Variants in PARD3B observed in about 807,000 individuals in gnomAD.
PARD3B encodes the protein partitioning defective 3 homolog B.
A neutral mutation model predicts 130.2 loss-of-function variants in PARD3B; 103 were observed. That is an observed-to-expected ratio of 0.79 (90% CI 0.67 to 0.93). PARD3B has a LOEUF of 0.93. PARD3B is among the 40% of genes least tolerant of loss of function. The pLI, the probability that PARD3B is intolerant of heterozygous loss-of-function variation, is 0.00. For missense variants in PARD3B, 1,609 were observed against 1,499.2 expected, an observed-to-expected ratio of 1.07 and a Z score of -1.21; for synonymous variants, 583 against 553.2, an observed-to-expected ratio of 1.05 and a Z score of -0.76.
At chr2:205,136,284 G>T (rs777676012) in intron 10 of PARD3B, among the ~76,000 whole-genome samples, 11 of 151,886 alleles carry the variant, frequency 7.2e-5, no homozygotes, top group African/African-American at 2.4e-5. Flanking sequence ...TACCTTTCTG[G>T]AACTAAGTAA....
intron 20 of PARD3B, among the ~76,000 whole-genome samples, chr2:205,456,863 A>G (rs1437402326): frequency 6.7e-6 from 1 of 149,762 alleles, no homozygotes; most frequent in African/African-American, 2.4e-5. Context: ...TCAGTTAAAT[A>G]TAATTTAATA....
intron 16 of PARD3B, among the ~76,000 whole-genome samples, chr2:205,255,856 A>T (rs2040060363): frequency 6.6e-6 from 1 of 152,078 alleles, no homozygotes; most frequent in Admixed American, 6.5e-5. Flanking sequence ...TTGGGCTATT[A>T]TGGAGGCTTC....
intron 10 of PARD3B, among the ~76,000 whole-genome samples, chr2:205,156,714 TAA>T (rs2034194312): frequency 6.6e-6 from 1 of 152,166 alleles, no homozygotes; most frequent in Admixed American, 6.5e-5. Flanking sequence ...TTGTGAAGCA[TAA>T]GTGTATTAAT....
intron 15 of PARD3B, among the ~76,000 whole-genome samples, chr2:205,233,453 A>G (rs1250583458): frequency 6.6e-6 from 1 of 152,144 alleles, no homozygotes; most frequent in Non-Finnish European, 1.5e-5. Context: ...ACTTGGATGA[A>G]TGTGTTTTAA....
chr2:204,742,314 CTG>C (rs2040043605), intron 2 of PARD3B, among the ~76,000 whole-genome samples: 2 of 152,130 alleles, frequency 1.3e-5, no homozygotes, highest in African/African-American at 4.8e-5. Flanking sequence ...GGGGAATGCA[CTG>C]TCTCTGCCAT....
At chr2:204,794,497 T>G (rs1157008908) in intron 2 of PARD3B, among the ~76,000 whole-genome samples, 2 of 152,096 alleles carry the variant, frequency 1.3e-5, no homozygotes, top group Admixed American at 1.3e-4. Context: ...ATTTGCTGAT[T>G]ACCGTGGTGG....
intron 4 of PARD3B, among the ~76,000 whole-genome samples, chr2:205,073,447 A>G (rs1221944371): frequency 2.6e-5 from 4 of 152,220 alleles, no homozygotes; most frequent in Admixed American, 2.0e-4. Context: ...ATGGAACTAG[A>G]CAACATTTCA....
chr2:204,959,140 C>T (rs1690529966), intron 2 of PARD3B, among the ~76,000 whole-genome samples: 1 of 152,096 alleles, frequency 6.6e-6, no homozygotes. Context: ...CCGCCACTCC[C>T]CCGACAGGCC....
At chr2:204,983,374 T>C (rs1327120416) in intron 3 of PARD3B, among the ~76,000 whole-genome samples, 1 of 135,960 alleles carries the variant, frequency 7.4e-6, no homozygotes, top group East Asian at 2.3e-4. Flanking sequence ...AAACAATGCA[T>C]CCAAAAATGT....
rs2053714650 is a variant in PARD3B, at chr2:205,575,280, A to G, written c.3260+21877A>G. Among the ~76,000 whole-genome samples, 1 of 152,020 alleles carries G rather than the reference A, an allele frequency of 6.6e-6. No homozygotes were observed. Among genetic ancestry groups the G allele is most frequent in the African/African-American group, 2.4e-5 (1 of 41,374 alleles). The stretch of plus-strand genomic sequence containing the variant: ...GAGGAAGGTACACAGATTTCTCATA[A>G]ACCTGCCACCTCAACACATGCGTAA... On this transcript the variant is annotated intron_variant, in intron 22 of 22. Transcript: ENST00000406610. The surrounding 1 kb of genome is among the most constrained non-coding windows in gnomAD (Gnocchi z 4.6).
At chr2:204,633,151 C>G (rs2034749717) in intron 1 of PARD3B, among the ~76,000 whole-genome samples, 1 of 152,044 alleles carries the variant, frequency 6.6e-6, no homozygotes. Flanking sequence ...TTTTAGGAAG[C>G]TTTATACTAC....
chr2:204,864,270 A>G (rs571853937), intron 2 of PARD3B, among the ~76,000 whole-genome samples: 2 of 152,096 alleles, frequency 1.3e-5, no homozygotes, highest in Admixed American at 1.3e-4. Context: ...ATTTTTTTCC[A>G]TGATAAAACC....
chr2:204,998,460 T>TATATATGTATATATATATGTGTATATA (rs1694518563), intron 3 of PARD3B, among the ~76,000 whole-genome samples: 1 of 78,284 alleles, frequency 1.3e-5, no homozygotes, highest in Non-Finnish European at 2.4e-5. Context: ...ATGTGTATAT[T>TATATATGTATATATATATGTGTATATA]ATATATGTAT....
intron 20 of PARD3B, among the ~76,000 whole-genome samples, chr2:205,482,414 T>A (rs1320101456): frequency 2.6e-5 from 4 of 151,558 alleles, no homozygotes; most frequent in African/African-American, 9.7e-5. Flanking sequence ...AAAGAAAGGG[T>A]GGCAGATGGC....
At chr2:205,306,206 T>G (rs759844688) in intron 18 of PARD3B, among the ~76,000 whole-genome samples, 1 of 152,180 alleles carries the variant, frequency 6.6e-6, no homozygotes, top group Non-Finnish European at 1.5e-5. Flanking sequence ...TGGGGAGCAC[T>G]AGAAAGGAAT....
At chr2:205,358,570 T>C (rs866456303) in intron 18 of PARD3B, among the ~76,000 whole-genome samples, 1 of 152,228 alleles carries the variant, frequency 6.6e-6, no homozygotes, top group Non-Finnish European at 1.5e-5. Flanking sequence ...GGCGTGTGAA[T>C]CATTCTTTTC....
intron 18 of PARD3B, among the ~76,000 whole-genome samples, chr2:205,362,115 C>G (rs2044411165): frequency 6.6e-6 from 1 of 152,032 alleles, no homozygotes; most frequent in Non-Finnish European, 1.5e-5. Flanking sequence ...AAATTCATTC[C>G]CAAAGATTCT....
intron 10 of PARD3B, among the ~76,000 whole-genome samples, chr2:205,151,859 T>A (rs2125696909): frequency 6.6e-6 from 1 of 152,336 alleles, no homozygotes; most frequent in Non-Finnish European, 1.5e-5. Context: ...CTAGCCTGGA[T>A]GGTCTTTACA....
chr2:205,308,579 C>G (rs1043507193), intron 18 of PARD3B, among the ~76,000 whole-genome samples: 21 of 132,272 alleles, frequency 1.6e-4, no homozygotes, highest in Non-Finnish European at 7.8e-5. Context: ...TGCACTCTAG[C>G]CTGGGTGAGA....
Sources: gnomAD v4.1 joint callset for allele counts (sites outside exome capture counted in the v4.1 genomes callset) on GRCh38, gnomAD v4.1.1 for gene constraint, Gnocchi (gnomAD v3.1) non-coding constraint, MANE v1.5 for transcripts, NCBI Gene and HGNC (gene_info 2026-07-23, HGNC 2026-07-21) for gene names.